The following C2orf15 variants were observed in gnomAD, a reference collection of about 807,000 sequenced individuals.
C2orf15 encodes uncharacterized protein C2orf15.
A neutral mutation model predicts 4.4 loss-of-function variants in C2orf15; 3 were observed. That is an observed-to-expected ratio of 0.67 (90% CI 0.31 to 1.74). C2orf15 has a LOEUF of 1.74. Among genes scored for constraint, C2orf15 ranks in the 40% most tolerant of loss-of-function variants. The pLI is 0.09. For synonymous variants in C2orf15, 37 were observed against 36.8 expected, an observed-to-expected ratio of 1.00 and a Z score of -0.02; for missense variants, 90 against 103.3, an observed-to-expected ratio of 0.87 and a Z score of 0.56.
rs1231167727 is a variant in C2orf15 at position 99,151,197 on chromosome 2, C to T, written c.*363C>T. On this transcript the variant is annotated 3_prime_UTR_variant, in exon 4 of 4. Coordinates refer to ENST00000650052, the MANE Select transcript of C2orf15 (RefSeq NM_144706.4). ...GTCCAAGCAGCCGGGCGCAGTGGCT[C>T]ACACCTGTAATCCCAGCACTTTGGG... The T allele has an allele frequency of 6.0e-6, 1 of 165,616 alleles. No homozygotes were observed. Among genetic ancestry groups the T allele is most frequent in the Non-Finnish European group, 1.3e-5 (1 of 77,132 alleles). The allele number at this position is 165,616 out of a possible 1,614,324, so 10.3% of individuals were successfully genotyped here. A position where few individuals can be genotyped will look rare whatever the true frequency, so the allele number is the denominator to read the frequency against.
intron 2 of C2orf15, chr2:99,147,161 GTTT>G: frequency 3.3e-6 from 1 of 300,418 alleles, no homozygotes; most frequent in Non-Finnish European, 6.0e-6. Context: ...ATATCTTTTT[GTTT>G]TTTTTAATTT....
intron 3 of C2orf15, among the ~76,000 whole-genome samples, chr2:99,148,830 T>G (rs2093658753): frequency 6.6e-6 from 1 of 152,078 alleles, no homozygotes; most frequent in Admixed American, 6.6e-5. Context: ...CGTTAGAGTT[T>G]CTGTTTGGGA....
chr2:99,142,962 G>T (rs188189641), intron 2 of C2orf15, among the ~76,000 whole-genome samples: 2 of 151,976 alleles, frequency 1.3e-5, no homozygotes, highest in Admixed American at 6.6e-5. Flanking sequence ...AGATTATTTG[G>T]AAAGAATATA....
chr2:99,145,431 C>G (rs1471228338), intron 2 of C2orf15, among the ~76,000 whole-genome samples: 1 of 151,978 alleles, frequency 6.6e-6, no homozygotes, highest in African/African-American at 2.4e-5. Flanking sequence ...TGGTGGCAGG[C>G]ACCTGTAATC....
At chr2:99,144,965 G>C (rs551911029) in intron 2 of C2orf15, among the ~76,000 whole-genome samples, 2 of 152,206 alleles carry the variant, frequency 1.3e-5, no homozygotes, top group Admixed American at 6.5e-5. Context: ...TGCTACGGCT[G>C]TGCAACAATT....
chr2:99,147,523 T>A (rs966901414), intron 3 of C2orf15, 30 bp downstream of exon 3: 1 of 1,600,354 alleles, frequency 6.2e-7, no homozygotes. Context: ...GTCTACCCTA[T>A]TATACTTGGT....
chr2:99,146,415 C>T (rs1335667591), intron 2 of C2orf15, among the ~76,000 whole-genome samples: 1 of 152,130 alleles, frequency 6.6e-6, no homozygotes. Context: ...GAAAATATCT[C>T]CTTCCAGTCT....
chr2:99,150,201 A>G (rs2093678996), intron 3 of C2orf15, among the ~76,000 whole-genome samples: 1 of 152,224 alleles, frequency 6.6e-6, no homozygotes, highest in South Asian at 2.1e-4. Context: ...ATGAATAAAG[A>G]GGTTTCGCTA....
intron 2 of C2orf15, 23 bp downstream of exon 2, chr2:99,142,424 A>G (rs371993711): frequency 1.3e-5 from 2 of 152,214 alleles, no homozygotes; most frequent in Admixed American, 1.3e-4. Flanking sequence ...TTTTCCCCCC[A>G]CAAGATATCA....
Position 99,150,481 on chromosome 2 carries a change from A to C in C2orf15, c.-76-2A>C. 7.1e-7 allele frequency: 1 copy of C among 1,417,200 alleles called. No individual in the cohort carries two copies. Among genetic ancestry groups the C allele is most frequent in the South Asian group, 1.4e-5 (1 of 69,570 alleles). 87.8% of individuals were successfully genotyped at this position (1,417,200 alleles called of 1,614,324 possible). On this transcript the variant is annotated splice_acceptor_variant, in intron 3 of 3. Coordinates refer to ENST00000650052, the MANE Select transcript of C2orf15 (RefSeq NM_144706.4). LOFTEE classifies it low-confidence loss of function (5UTR_SPLICE). The stretch of plus-strand genomic sequence containing the variant: ...ACTTGTTACTTTTTTTTTTTTTTTC[A>C]GTAATCAAGTTGAAGAAACACTTCC...
intron 3 of C2orf15, among the ~76,000 whole-genome samples, chr2:99,149,527 C>T (rs1213143232): frequency 6.6e-6 from 1 of 150,416 alleles, no homozygotes; most frequent in East Asian, 2.0e-4. Flanking sequence ...ACTGCAACCT[C>T]AGCCTCCCGG....
Position 99,147,493 on chromosome 2 carries a change from G to A in C2orf15, c.-77G>A. 1 of 1,613,876 alleles carries A rather than the reference G, an allele frequency of 6.2e-7. No homozygotes were observed. Among genetic ancestry groups the A allele is most frequent in the South Asian group, 1.1e-5 (1 of 91,068 alleles). ...ATGTCCTCAACTCTGGGGAAGTTAA[G>A]GTAAGACTCACAGGGCCAAGTCTAC... is the stretch of plus-strand genomic sequence containing the variant. On this transcript the variant is annotated splice_region_variant and 5_prime_UTR_variant, in exon 3 of 4. Coordinates refer to ENST00000650052, the MANE Select transcript of C2orf15 (RefSeq NM_144706.4).
intron 2 of C2orf15, among the ~76,000 whole-genome samples, chr2:99,142,627 T>C (rs957303910): frequency 6.6e-6 from 1 of 152,212 alleles, no homozygotes. Flanking sequence ...CCCTGTTATT[T>C]TAGATTAAGA....
intron 2 of C2orf15, chr2:99,147,148 G>A (rs1210780255): frequency 3.6e-6 from 1 of 275,782 alleles, no homozygotes; most frequent in Non-Finnish European, 6.7e-6. Context: ...TTCACTTTGT[G>A]GCATATCTTT....
Position 99,150,957 on chromosome 2 carries a change from C to T in C2orf15, c.*123C>T. On this transcript the variant is annotated 3_prime_UTR_variant, in exon 4 of 4. Coordinates refer to ENST00000650052, the MANE Select transcript of C2orf15 (RefSeq NM_144706.4). ...GATGGAAGACTATTGCCTTATTTTG[C>T]ACTATTTGTGAATCATCTTACACTG... The T allele has an allele frequency of 4.7e-6, 3 of 643,284 alleles. No individual in the cohort carries two copies. In the Admixed American group the frequency reaches 9.5e-5, roughly 20 times the overall value. 39.8% of individuals were successfully genotyped at this position (643,284 alleles called of 1,614,324 possible).
At chr2:99,143,970 T>A (rs1244429483) in intron 2 of C2orf15, among the ~76,000 whole-genome samples, 1 of 152,224 alleles carries the variant, frequency 6.6e-6, no homozygotes, top group Non-Finnish European at 1.5e-5. Flanking sequence ...CAATTCCATA[T>A]GTGTTAAGCC....
Position 99,142,375 on chromosome 2 carries a change from G to A in C2orf15, c.-195G>A, listed in dbSNP as rs570191671. 6.6e-5 allele frequency: 10 copies of A among 152,278 alleles called. No homozygotes were observed. In the East Asian group the frequency reaches 1.9e-3, roughly 29 times the overall value. 9.4% of individuals were successfully genotyped at this position (152,278 alleles called of 1,614,324 possible). A position where few individuals can be genotyped will look rare whatever the true frequency, so the allele number is the denominator to read the frequency against. On this transcript the variant is annotated 5_prime_UTR_variant, in exon 2 of 4. Transcript: ENST00000650052. ...TTTCAAGAGTAAGCTCTCGTTTGAG[G>A]AGACTAACAATTCCTGTTTTCGCCA...
Position 99,150,884 on chromosome 2 carries a change from G to T in C2orf15, c.*50G>T. On this transcript the variant is annotated 3_prime_UTR_variant, in exon 4 of 4. Coordinates refer to ENST00000650052, the MANE Select transcript of C2orf15 (RefSeq NM_144706.4). Reference sequence around the variant, plus strand: ...AAACCAAAAACTGCCTTTGACTAAGGGGGGTGTTGAAAGAGAACTTAACCT... The same window carrying T: ...AAACCAAAAACTGCCTTTGACTAAGTGGGGTGTTGAAAGAGAACTTAACCT... The T allele has an allele frequency of 3.2e-6, 4 of 1,250,458 alleles. No individual in the cohort carries two copies. The highest frequency in any genetic ancestry group is 3.4e-6 in the Non-Finnish European group (3 of 890,074). The allele number at this position is 1,250,458 out of a possible 1,614,324, so 77.5% of individuals were successfully genotyped here.
At chr2:99,149,695 G>A (rs950423950) in intron 3 of C2orf15, among the ~76,000 whole-genome samples, 1 of 150,670 alleles carries the variant, frequency 6.6e-6, no homozygotes, top group Non-Finnish European at 1.5e-5. Flanking sequence ...ACCCACCTCA[G>A]CCTCCCAAAG....
Sources: gnomAD v4.1 joint callset for allele counts (sites outside exome capture counted in the v4.1 genomes callset) on GRCh38, gnomAD v4.1.1 for gene constraint, MANE v1.5 for transcripts, NCBI Gene and HGNC (gene_info 2026-07-23, HGNC 2026-07-21) for gene names.